NELL2: variants seen among roughly 807,000 people sequenced by gnomAD.
The protein encoded by NELL2 is neural EGFL like 2, also known as protein kinase C-binding protein NELL2.
A neutral mutation model predicts 109.6 loss-of-function variants in NELL2; 41 were observed. That is an observed-to-expected ratio of 0.37 (90% CI 0.29 to 0.49). The LOEUF is 0.49. NELL2 is among the 20% of genes least tolerant of loss of function. The probability of loss-of-function intolerance (pLI) is 0.98; values close to 1 mark genes in which losing one functional copy is unlikely to be tolerated. For synonymous variants in NELL2, 355 were observed against 344.7 expected (o/e 1.03, Z -0.33); for missense variants, 900 against 1,008.3 (o/e 0.89, Z 1.45).
intron 3 of NELL2, among the ~76,000 whole-genome samples, chr12:44,783,098 C>T (rs1177512171): frequency 6.6e-6 from 1 of 151,676 alleles, no homozygotes; most frequent in African/African-American, 2.4e-5. Flanking sequence ...CAGACAATCT[C>T]CAAATGTTTT....
At chr12:44,844,644 A>G (rs1944321682) in intron 2 of NELL2, among the ~76,000 whole-genome samples, 1 of 152,188 alleles carries the variant, frequency 6.6e-6, no homozygotes, top group East Asian at 1.9e-4. Context: ...TACAGGTTTG[A>G]GCTATGTGCT....
intron 1 of NELL2, among the ~76,000 whole-genome samples, chr12:44,908,135 A>G (rs1945740268): frequency 6.6e-6 from 1 of 152,162 alleles, no homozygotes; most frequent in Admixed American, 6.6e-5. Context: ...TGTGGCATGG[A>G]GAAATATGAT....
At chr12:44,771,651 G>A (rs1941555282) in intron 9 of NELL2, among the ~76,000 whole-genome samples, 1 of 152,164 alleles carries the variant, frequency 6.6e-6, no homozygotes, top group African/African-American at 2.4e-5. Context: ...TAATGGTCCA[G>A]GCAGGAAATT....
At chr12:44,671,864 G>A (rs1396927663) in intron 12 of NELL2, among the ~76,000 whole-genome samples, 1 of 152,110 alleles carries the variant, frequency 6.6e-6, no homozygotes, top group African/African-American at 2.4e-5. Context: ...GAGTCCCCTG[G>A]GCTTAAGCTT....
chr12:44,815,385 G>C (rs1190546855), intron 3 of NELL2, among the ~76,000 whole-genome samples: 1 of 152,134 alleles, frequency 6.6e-6, no homozygotes, highest in Admixed American at 6.5e-5. Context: ...ATTTTACAAA[G>C]CATTAGAATA....
chr12:44,613,657 A>G (rs1358811078), intron 13 of NELL2, among the ~76,000 whole-genome samples: 3 of 152,134 alleles, frequency 2.0e-5, no homozygotes, highest in Non-Finnish European at 4.4e-5. Context: ...GGTTATAGCT[A>G]CAATTTATGA....
intron 9 of NELL2, among the ~76,000 whole-genome samples, chr12:44,742,703 T>C (rs1040829534): frequency 6.6e-6 from 1 of 151,830 alleles, no homozygotes; most frequent in Non-Finnish European, 1.5e-5. Context: ...AGGGTATCAG[T>C]GATGGAAGAC....
In NELL2 at chr12:44,640,756, T is replaced by A. The variant is rs559594882; in HGVS notation, c.1444+24728A>T. On this transcript the variant is annotated intron_variant, in intron 13 of 19. Transcript: ENST00000429094. ...GACAAATTTGATACAATCTATAATA[T>A]CACATAAACAATAAGAAGAATGCTT... Among the ~76,000 whole-genome samples, 277 of 152,260 alleles carry A rather than the reference T, an allele frequency of 1.8e-3. 2 individuals carry two copies. Among genetic ancestry groups the A allele is most frequent in the African/African-American group, 5.7e-3 (236 of 41,558 alleles).
intron 13 of NELL2, among the ~76,000 whole-genome samples, chr12:44,636,612 C>A (rs1320576007): frequency 1.2e-4 from 19 of 152,152 alleles, no homozygotes; most frequent in Admixed American, 1.2e-3. Flanking sequence ...TCGAACCAGC[C>A]TTGCATCCCA....
chr12:44,815,626 GTGT>G (rs912383621), intron 3 of NELL2, among the ~76,000 whole-genome samples: 19 of 152,144 alleles, frequency 1.2e-4, no homozygotes, highest in Middle Eastern at 3.2e-3. Context: ...ACCAATCTTT[GTGT>G]TGTTGTTGAG....
At chr12:44,829,788 C>G (rs895518283) in intron 2 of NELL2, among the ~76,000 whole-genome samples, 2 of 151,892 alleles carry the variant, frequency 1.3e-5, no homozygotes, top group Admixed American at 6.6e-5. Flanking sequence ...ATAGATAGTA[C>G]CTGGTTATTT....
intron 12 of NELL2, among the ~76,000 whole-genome samples, chr12:44,692,826 A>G (rs546330627): frequency 1.1e-3 from 174 of 152,300 alleles, no homozygotes; most frequent in Non-Finnish European, 2.2e-3. Flanking sequence ...CTGCAATCTC[A>G]TGTTAAAATT....
intron 12 of NELL2, among the ~76,000 whole-genome samples, chr12:44,702,971 G>C (rs1937641549): frequency 6.6e-6 from 1 of 152,104 alleles, no homozygotes; most frequent in Admixed American, 6.6e-5. Context: ...GGTAAGTTTA[G>C]AACTCTCCAA....
intron 13 of NELL2, among the ~76,000 whole-genome samples, chr12:44,634,539 T>C (rs1946567887): frequency 6.6e-6 from 1 of 152,130 alleles, no homozygotes; most frequent in Non-Finnish European, 1.5e-5. Flanking sequence ...CCATGGTGTA[T>C]AAGTGCCCAC....
chr12:44,715,261 G>A (rs1486491943), intron 9 of NELL2, among the ~76,000 whole-genome samples: 1 of 147,852 alleles, frequency 6.8e-6, no homozygotes, highest in Admixed American at 6.9e-5. Context: ...AGTATGTATG[G>A]GTTAGGGCAC....
rs11182552 is a variant in NELL2 at position 44,602,979 on chromosome 12, T to C, written c.1663+4190A>G. ...ATACTATAACAGTAATAAAATAAACTTAAAAAAAATCAACCAACCTCAATC... is the reference window on the plus strand; with the variant it reads ...ATACTATAACAGTAATAAAATAAACCTAAAAAAAATCAACCAACCTCAATC... On this transcript the variant is annotated intron_variant, in intron 15 of 19. Coordinates refer to ENST00000429094, the MANE Select transcript of NELL2 (RefSeq NM_001145108.2). 3.3e-5 allele frequency among the ~76,000 whole-genome samples: 5 copies of C among 151,698 alleles called. No individual in the cohort carries two copies. In the South Asian group the frequency reaches 8.3e-4, roughly 25 times the overall value.
At chr12:44,641,689 CTTTTTTTTTTT>C (rs71093817) in intron 13 of NELL2, among the ~76,000 whole-genome samples, 6 of 80,626 alleles carry the variant, frequency 7.4e-5, no homozygotes, top group African/African-American at 1.1e-4. Flanking sequence ...CTAGTTTCTC[CTTTTTTTTTTT>C]TTTTTTTTTT....
chr12:44,646,214 G>C (rs1345229855), intron 13 of NELL2, among the ~76,000 whole-genome samples: 1 of 152,116 alleles, frequency 6.6e-6, no homozygotes, highest in African/African-American at 2.4e-5. Flanking sequence ...GCAAGTGTGA[G>C]ATATTACTTT....
chr12:44,572,383 C>T (rs1285863979), intron 15 of NELL2, among the ~76,000 whole-genome samples: 2 of 152,208 alleles, frequency 1.3e-5, no homozygotes, highest in East Asian at 3.9e-4. Context: ...CTCCTGGGCT[C>T]AAGCTTTCCT....
Sources: gnomAD v4.1 joint callset for allele counts (sites outside exome capture counted in the v4.1 genomes callset) on GRCh38, gnomAD v4.1.1 for gene constraint, MANE v1.5 for transcripts, NCBI Gene and HGNC (gene_info 2026-07-23, HGNC 2026-07-21) for gene names.